The following CCDC91 variants were observed in gnomAD, a reference collection of about 807,000 sequenced individuals.
The protein encoded by CCDC91 is coiled-coil domain containing 91.
Under a neutral mutation model 63.2 loss-of-function variants are expected in CCDC91, and 48 were observed. The observed-to-expected ratio is 0.76, with a 90% confidence interval of 0.60 to 0.97. The LOEUF (loss-of-function observed/expected upper bound fraction) is 0.97. Among genes scored for constraint, CCDC91 ranks in the 50% least tolerant of loss-of-function variants. The pLI, the probability that CCDC91 is intolerant of heterozygous loss-of-function variation, is 0.00. For synonymous variants in CCDC91, 167 were observed against 165.8 expected (o/e 1.01, Z -0.06); for missense variants, 500 against 494.6 (o/e 1.01, Z -0.10).
At chr12:28,450,292 G>T (rs1269791770) in intron 9 of CCDC91, 39 bp downstream of exon 9, 7 of 1,576,690 alleles carry the variant, frequency 4.4e-6, no homozygotes, top group Non-Finnish European at 5.2e-6. Context: ...GAAAGAATGT[G>T]TTCTGTTACC....
chr12:28,268,353 G>A (rs1204433810), intron 3 of CCDC91, among the ~76,000 whole-genome samples: 1 of 151,944 alleles, frequency 6.6e-6, no homozygotes, highest in Non-Finnish European at 1.5e-5. Flanking sequence ...GTGAGCCACT[G>A]TGCCCAGCTG....
chr12:28,395,659 C>T, intron 8 of CCDC91, among the ~76,000 whole-genome samples: 1 of 152,116 alleles, frequency 6.6e-6, no homozygotes, highest in Non-Finnish European at 1.5e-5. Flanking sequence ...TTGGAATTTT[C>T]AGGGTGATAA....
chr12:28,416,195 A>T (rs1398097255), intron 8 of CCDC91, among the ~76,000 whole-genome samples: 1 of 152,018 alleles, frequency 6.6e-6, no homozygotes, highest in African/African-American at 2.4e-5. Context: ...TTATAGCATT[A>T]TTTTTGTCAG....
intron 1 of CCDC91, among the ~76,000 whole-genome samples, chr12:28,193,462 G>A (rs907781409): frequency 6.6e-6 from 1 of 152,126 alleles, no homozygotes; most frequent in African/African-American, 2.4e-5. Context: ...TTAGCTGGGC[G>A]TGGTTGCGGG....
In CCDC91 at chr12:28,215,348, C is replaced by G. The variant is rs560875860; in HGVS notation, c.-15+24707C>G. On this transcript the variant is annotated intron_variant, in intron 1 of 12. Coordinates refer to ENST00000536442, the MANE Select transcript of CCDC91 (RefSeq NM_018318.5). ...CAATTTCTGAAATTAATGTTTCTCT[C>G]TTTATTTATATACACACATATACCT... Among the ~76,000 whole-genome samples, 29 of 152,246 alleles carry G rather than the reference C, an allele frequency of 1.9e-4. No homozygotes were observed. In the South Asian group the frequency reaches 5.8e-3, roughly 31 times the overall value.
chr12:28,381,839 G>A (rs1945315412), intron 7 of CCDC91, among the ~76,000 whole-genome samples: 2 of 152,074 alleles, frequency 1.3e-5, no homozygotes, highest in South Asian at 4.1e-4. Context: ...TGAGCCACTT[G>A]GATGGCTTTG....
intron 12 of CCDC91, among the ~76,000 whole-genome samples, chr12:28,484,871 T>G (rs932644598): frequency 2.7e-5 from 4 of 150,066 alleles, no homozygotes; most frequent in South Asian, 2.1e-4. Context: ...ATAATAAAAT[T>G]TTTCACATGC....
intron 7 of CCDC91, among the ~76,000 whole-genome samples, chr12:28,388,536 G>C (rs1190685912): frequency 6.6e-6 from 1 of 152,056 alleles, no homozygotes; most frequent in Admixed American, 6.6e-5. Flanking sequence ...AAAATACTTA[G>C]GAATATACCT....
chr12:28,422,810 A>G (rs1426324229), intron 8 of CCDC91, among the ~76,000 whole-genome samples: 1 of 152,120 alleles, frequency 6.6e-6, no homozygotes, highest in Non-Finnish European at 1.5e-5. Context: ...TCACTTTAAA[A>G]GTATATGTTC....
At chr12:28,427,868 T>G (rs796160854) in intron 8 of CCDC91, among the ~76,000 whole-genome samples, 1 of 152,232 alleles carries the variant, frequency 6.6e-6, no homozygotes, top group Non-Finnish European at 1.5e-5. Flanking sequence ...TTATCTACTT[T>G]AGCAGTTTTT....
chr12:28,282,278 G>A (rs938957501), intron 3 of CCDC91, among the ~76,000 whole-genome samples: 4 of 152,100 alleles, frequency 2.6e-5, no homozygotes, highest in East Asian at 1.9e-4. Flanking sequence ...GGATAATGAT[G>A]CTATTTATTA....
chr12:28,307,558 A>G (rs952370666), intron 5 of CCDC91, 87 bp from the exon 6 acceptor site: 2 of 657,394 alleles, frequency 3.0e-6, no homozygotes, highest in East Asian at 3.1e-5. Flanking sequence ...TTCTCTGACA[A>G]ATGTTTTCTG....
At chr12:28,195,385 A>G (rs909909387) in intron 1 of CCDC91, among the ~76,000 whole-genome samples, 4 of 152,206 alleles carry the variant, frequency 2.6e-5, no homozygotes, top group Non-Finnish European at 5.9e-5. Flanking sequence ...TTAGCTAGAT[A>G]GAAAAGTTCT....
intron 3 of CCDC91, among the ~76,000 whole-genome samples, chr12:28,279,008 T>A (rs1948424864): frequency 6.6e-6 from 1 of 152,054 alleles, no homozygotes; most frequent in South Asian, 2.1e-4. Context: ...ATTACAATGA[T>A]AATATATACT....
chr12:28,283,347 G>C (rs572204062), intron 3 of CCDC91, among the ~76,000 whole-genome samples: 3 of 151,798 alleles, frequency 2.0e-5, no homozygotes, highest in Admixed American at 1.3e-4. Flanking sequence ...CATGAATATG[G>C]TATGTTTTTC....
rs1947554566 is a variant in CCDC91 at position 28,415,048 on chromosome 12, G to A, written c.762+23637G>A. Among the ~76,000 whole-genome samples, 6 of 152,152 alleles carry A rather than the reference G, an allele frequency of 3.9e-5. 1 individual carries two copies. In the South Asian group the frequency reaches 8.3e-4, roughly 21 times the overall value. On this transcript the variant is annotated intron_variant, in intron 8 of 12. Transcript: ENST00000536442. ...ACACTTATGCGGAGATACCTCTAGG[G>A]TTTTAAATATAATTAGCTAACATTT...
At chr12:28,404,338 C>T (rs1946802650) in intron 8 of CCDC91, among the ~76,000 whole-genome samples, 1 of 151,896 alleles carries the variant, frequency 6.6e-6, no homozygotes, top group African/African-American at 2.4e-5. Flanking sequence ...TAGTTTAATT[C>T]CACCGTGGTC....
chr12:28,391,897 G>T (rs927160851), intron 8 of CCDC91, among the ~76,000 whole-genome samples: 2 of 152,050 alleles, frequency 1.3e-5, no homozygotes, highest in African/African-American at 4.8e-5. Flanking sequence ...CAAAGCAGCT[G>T]AAGATTTATA....
intron 8 of CCDC91, among the ~76,000 whole-genome samples, chr12:28,446,469 G>A (rs1949505956): frequency 6.6e-6 from 1 of 152,096 alleles, no homozygotes; most frequent in Non-Finnish European, 1.5e-5. Flanking sequence ...TAGAAGTAGG[G>A]AGAGCCCTCC....
Sources: allele counts gnomAD v4.1 joint callset (sites outside exome capture counted in the v4.1 genomes callset), GRCh38; gene constraint gnomAD v4.1.1; transcripts MANE v1.5; gene names NCBI Gene and HGNC (gene_info 2026-07-23, HGNC 2026-07-21).